PRKAG2: variants seen among roughly 807,000 people sequenced by gnomAD.
PRKAG2 encodes the protein protein kinase AMP-activated non-catalytic subunit gamma 2.
In PRKAG2, 26 loss-of-function variants were observed where a neutral mutation model predicts 69.6. The observed-to-expected ratio is 0.37, with a 90% CI of 0.27 to 0.52. The LOEUF (loss-of-function observed/expected upper bound fraction) is 0.52. Ranked by LOEUF, PRKAG2 falls within the 20% of genes least tolerant of loss-of-function variation. The pLI is 0.90. For missense variants in PRKAG2, 557 were observed against 740.0 expected (o/e 0.75, Z 2.87); for synonymous variants, 293 against 285.0 (o/e 1.03, Z -0.28).
chr7:151,873,043 C>T (rs778807603), intron 1 of PRKAG2, among the ~76,000 whole-genome samples: 29 of 152,228 alleles, frequency 1.9e-4, no homozygotes, highest in Non-Finnish European at 3.5e-4. Flanking sequence ...AAACATGATT[C>T]ATTGTCTACC....
At chr7:151,824,838 C>A (rs2078871395) in intron 1 of PRKAG2, among the ~76,000 whole-genome samples, 1 of 152,330 alleles carries the variant, frequency 6.6e-6, no homozygotes, top group South Asian at 2.1e-4. Flanking sequence ...CACTCGTGCG[C>A]TTTCTCCTGC....
At chr7:151,767,632 A>G (rs919696378) in intron 3 of PRKAG2, among the ~76,000 whole-genome samples, 17 of 152,358 alleles carry the variant, frequency 1.1e-4, no homozygotes, top group South Asian at 1.0e-3. Flanking sequence ...GTGCTGTTAT[A>G]GTGGCCCTAC....
chr7:151,796,079 C>T (rs1490160645), intron 1 of PRKAG2, among the ~76,000 whole-genome samples: 2 of 151,658 alleles, frequency 1.3e-5, no homozygotes, highest in African/African-American at 4.8e-5. Flanking sequence ...ATGCTTGGAT[C>T]TCTAGTCTTG....
At chr7:151,696,374 G>A (rs1016207408) in intron 3 of PRKAG2, among the ~76,000 whole-genome samples, 3 of 152,176 alleles carry the variant, frequency 2.0e-5, no homozygotes, top group Non-Finnish European at 4.4e-5. Flanking sequence ...GGGCTCCGGG[G>A]CAGCGCAACG....
At position 151,675,679 on chromosome 7, in the gene PRKAG2, A is replaced by G. The variant is rs765195246; in HGVS notation, c.467-42T>C. 1.0e-5 allele frequency: 16 copies of G among 1,556,822 alleles called. No individual in the cohort carries two copies. The East Asian group carries it at 2.9e-4, about 28-fold the overall frequency. On this transcript the variant is annotated intron_variant, in intron 3 of 15. Transcript: ENST00000287878. ...AAGGACGGTCAGAGGTCCGGCTTCCAGGAAGGGACGTCGGGGGTGGTCAGA... is the reference window on the plus strand; with the variant it reads ...AAGGACGGTCAGAGGTCCGGCTTCCGGGAAGGGACGTCGGGGGTGGTCAGA...
chr7:151,836,753 C>T lies in PRKAG2; in HGVS notation c.114+39754G>A, dbSNP rs762750607. 3.5e-4 allele frequency among the ~76,000 whole-genome samples: 54 copies of T among 152,210 alleles called. No individual in the cohort carries two copies. The highest frequency in any genetic ancestry group is 3.3e-3 in the Admixed American group (50 of 15,288). On this transcript the variant is annotated intron_variant, in intron 1 of 15. Coordinates refer to ENST00000287878, the MANE Select transcript of PRKAG2 (RefSeq NM_016203.4). This position sits in a 1 kb window ranked among gnomAD's most constrained non-coding sequence, Gnocchi z 4.1. ...AACTGTGAGGTAGGACCTAGCCCCT[C>T]GGGTCCCCTGCCCTCTCCTCCTGGC... is the stretch of plus-strand genomic sequence containing the variant.
At chr7:151,664,357 G>C (rs1486490868) in intron 4 of PRKAG2, among the ~76,000 whole-genome samples, 2 of 152,168 alleles carry the variant, frequency 1.3e-5, no homozygotes, top group East Asian at 3.8e-4. Context: ...CCCGGGTACA[G>C]TGGGATCCAA....
chr7:151,820,428 C>T (rs1428150570), intron 1 of PRKAG2, among the ~76,000 whole-genome samples: 2 of 131,736 alleles, frequency 1.5e-5, no homozygotes, highest in Admixed American at 7.4e-5. Flanking sequence ...GCACACTCTA[C>T]TCGGAACACC....
chr7:151,620,502 A>T (rs1209720674), intron 5 of PRKAG2, among the ~76,000 whole-genome samples: 1 of 151,550 alleles, frequency 6.6e-6, no homozygotes, highest in African/African-American at 2.4e-5. Context: ...TTTTGAGATA[A>T]GGTCTCACTC....
chr7:151,802,962 A>ATATAT (rs1554605694), intron 1 of PRKAG2, among the ~76,000 whole-genome samples: 1,795 of 131,532 alleles, frequency 0.014, 42 homozygotes, highest in African/African-American at 0.052. Flanking sequence ...ATATATATAT[A>ATATAT]TTTTTTTTTT....
At chr7:151,677,306 C>G (rs1471706449) in intron 3 of PRKAG2, among the ~76,000 whole-genome samples, 1 of 152,178 alleles carries the variant, frequency 6.6e-6, no homozygotes, top group Non-Finnish European at 1.5e-5. Flanking sequence ...CCTGCCTTAG[C>G]ATCCTGAGTA....
At chr7:151,829,935 C>T (rs1402478327) in intron 1 of PRKAG2, among the ~76,000 whole-genome samples, 1 of 151,730 alleles carries the variant, frequency 6.6e-6, no homozygotes, top group Non-Finnish European at 1.5e-5. Flanking sequence ...GGCGCAGACA[C>T]CCCCCTGAGG....
At chr7:151,773,166 C>CAAGG (rs138396352) in intron 3 of PRKAG2, among the ~76,000 whole-genome samples, 21 of 103,260 alleles carry the variant, frequency 2.0e-4, no homozygotes, top group Non-Finnish European at 2.6e-4. Context: ...GGAAGGGAAG[C>CAAGG]AAGGAAGGAA....
At chr7:151,789,009 G>A (rs2077146816) in intron 1 of PRKAG2, among the ~76,000 whole-genome samples, 1 of 152,094 alleles carries the variant, frequency 6.6e-6, no homozygotes, top group Non-Finnish European at 1.5e-5. Context: ...TGGTCTATAT[G>A]TCTGTATTTT....
chr7:151,668,155 C>T (rs1831316002), intron 4 of PRKAG2, among the ~76,000 whole-genome samples: 1 of 152,116 alleles, frequency 6.6e-6, no homozygotes, highest in Admixed American at 6.6e-5. Context: ...TGGATTAGTT[C>T]CCTTGAGAGC....
chr7:151,863,474 C>G (rs983978031), intron 1 of PRKAG2, among the ~76,000 whole-genome samples: 1 of 152,100 alleles, frequency 6.6e-6, no homozygotes, highest in Non-Finnish European at 1.5e-5. Flanking sequence ...AATGCTTCAT[C>G]GCCCTTCCCC....
At chr7:151,566,157 G>C (rs1424405207) in intron 11 of PRKAG2, among the ~76,000 whole-genome samples, 6 of 152,164 alleles carry the variant, frequency 3.9e-5, no homozygotes, top group African/African-American at 1.4e-4. Flanking sequence ...CACTCACTAA[G>C]AACGCGTATA....
rs555512629 is a variant in PRKAG2 at position 151,807,139 on chromosome 7, C to T, written c.115-20598G>A. 48 of 374,726 alleles carry T rather than the reference C, an allele frequency of 1.3e-4. 2 individuals carry two copies. Among genetic ancestry groups the T allele is most frequent in the South Asian group, 9.7e-4 (48 of 49,332 alleles). The allele number at this position is 374,726 out of a possible 1,614,324, so 23.2% of individuals were successfully genotyped here. A position where few individuals can be genotyped will look rare whatever the true frequency, so the allele number is the denominator to read the frequency against. On this transcript the variant is annotated intron_variant, in intron 1 of 15. Coordinates refer to ENST00000287878, the MANE Select transcript of PRKAG2 (RefSeq NM_016203.4). This position sits in a 1 kb window ranked among gnomAD's most constrained non-coding sequence, Gnocchi z 4.4. ...GTGGAGTGGTGGAAATGTTCCAGATCACACTGTGGCGGTGGTCACATGACT... is the reference window on the plus strand; with the variant it reads ...GTGGAGTGGTGGAAATGTTCCAGATTACACTGTGGCGGTGGTCACATGACT...
At chr7:151,829,067 T>C (rs1288468592) in intron 1 of PRKAG2, among the ~76,000 whole-genome samples, 1 of 152,248 alleles carries the variant, frequency 6.6e-6, no homozygotes, top group Admixed American at 6.5e-5. Flanking sequence ...TGAAAACTTC[T>C]GTGCTTCAAA....
Sources: allele counts gnomAD v4.1 joint callset (sites outside exome capture counted in the v4.1 genomes callset), GRCh38; gene constraint gnomAD v4.1.1; non-coding constraint Gnocchi (gnomAD v3.1); transcripts MANE v1.5; gene names NCBI Gene and HGNC (gene_info 2026-07-23, HGNC 2026-07-21).